Variants in NSD1 observed in about 807,000 individuals in gnomAD.
NSD1 encodes the protein histone-lysine N-methyltransferase, H3 lysine-36 specific.
Under a neutral mutation model 242.7 loss-of-function variants are expected in NSD1, and 26 were observed. The ratio of observed to expected loss-of-function variants is 0.11; its 90% CI spans 0.08 to 0.15. The LOEUF (loss-of-function observed/expected upper bound fraction) is 0.15, where lower values mean the gene tolerates loss of function less well. Among genes scored for constraint, NSD1 ranks in the 10% least tolerant of loss-of-function variants. The pLI is 1.00. For synonymous variants in NSD1, 1,106 were observed against 1,178.1 expected, an observed-to-expected ratio of 0.94 and a Z score of 1.25; for missense variants, 2,495 against 3,272.8, an observed-to-expected ratio of 0.76 and a Z score of 5.80.
chr5:177,276,765 T>G (rs1238212101), intron 17 of NSD1, among the ~76,000 whole-genome samples: 1 of 152,170 alleles, frequency 6.6e-6, no homozygotes, highest in East Asian at 1.9e-4. Context: ...CTGCCACTCC[T>G]GGCCTTTAAA....
At chr5:177,190,329 G>A (rs1030472346) in intron 2 of NSD1, among the ~76,000 whole-genome samples, 2 of 152,090 alleles carry the variant, frequency 1.3e-5, no homozygotes, top group African/African-American at 4.8e-5. Flanking sequence ...GCCCAGGCCG[G>A]CGTGCAGTGG....
intron 14 of NSD1, among the ~76,000 whole-genome samples, chr5:177,260,613 G>T (rs1451446005): frequency 6.6e-6 from 1 of 152,062 alleles, no homozygotes; most frequent in Non-Finnish European, 1.5e-5. Flanking sequence ...CTCCCAAAGT[G>T]CTGGGATTAC....
rs556431323 is a variant in NSD1 at position 177,207,489 on chromosome 5, A to G, written c.1237-2147A>G. Among the ~76,000 whole-genome samples the G allele has an allele frequency of 4.7e-5, 7 of 148,188 alleles. No individual in the cohort carries two copies. The South Asian group carries it at 1.5e-3, about 32-fold the overall frequency. On this transcript the variant is annotated intron_variant, in intron 4 of 22. Transcript: ENST00000439151. Reference sequence around the variant, plus strand: ...AGTATAGACGGGGTTTCACCATGTTAGCCAGGATGGTCTCGATCTCCTGAC... The same window carrying G: ...AGTATAGACGGGGTTTCACCATGTTGGCCAGGATGGTCTCGATCTCCTGAC...
At chr5:177,140,309 A>G (rs1249816126) in intron 2 of NSD1, among the ~76,000 whole-genome samples, 1 of 152,162 alleles carries the variant, frequency 6.6e-6, no homozygotes, top group East Asian at 1.9e-4. Flanking sequence ...TGAGCATGGC[A>G]TTTTCAGAGG....
In NSD1 at chr5:177,248,059, C is replaced by T. The variant is rs978657693; in HGVS notation, c.4498-122C>T. 168 of 1,539,864 alleles carry T rather than the reference C, an allele frequency of 1.1e-4. No individual in the cohort carries two copies. The Admixed American group carries it at 2.0e-3, about 19-fold the overall frequency. ...GAACTAACATTGCATGCAGTCCGCCCGAGTGATTGGCTGAACATCTGTAAG... is the reference window on the plus strand; with the variant it reads ...GAACTAACATTGCATGCAGTCCGCCTGAGTGATTGGCTGAACATCTGTAAG... On this transcript the variant is annotated intron_variant, in intron 10 of 22. Transcript: ENST00000439151.
intron 2 of NSD1, among the ~76,000 whole-genome samples, chr5:177,142,491 G>A (rs1164079573): frequency 2.6e-5 from 4 of 152,102 alleles, no homozygotes; most frequent in Non-Finnish European, 5.9e-5. Context: ...TCACAGAGTG[G>A]TTATTTATAG....
At chr5:177,261,736 A>G (rs1757015128) in intron 14 of NSD1, among the ~76,000 whole-genome samples, 1 of 152,056 alleles carries the variant, frequency 6.6e-6, no homozygotes, top group African/African-American at 2.4e-5. Flanking sequence ...TTCATTGTGG[A>G]CTTTGCTCCA....
rs761053559 is a variant in NSD1 at position 177,135,465 on chromosome 5, C to T, written c.362C>T (p.Pro121Leu). 3.7e-6 allele frequency: 6 copies of T among 1,614,040 alleles called. No individual in the cohort carries two copies. The highest frequency in any genetic ancestry group is 1.3e-5 in the African/African-American group (1 of 74,916). The change falls in exon 2 of 23, where the codon CCT (proline) becomes CTT (leucine). Residue 121 changes from proline (P) to leucine (L), a missense_variant. By Grantham distance (98) the Pro-to-Leu change is moderately conservative. Transcript: ENST00000439151. ...IVCTSLSPGG[P>L]TALAMKQEPS... Reference sequence around the variant, plus strand: ...TGCACTTCCTTGAGTCCTGGTGGTCCTACAGCACTTGCTATGAAACAGGAA... The same window carrying T: ...TGCACTTCCTTGAGTCCTGGTGGTCTTACAGCACTTGCTATGAAACAGGAA...
Position 177,153,443 on chromosome 5 carries a change from A to T in NSD1, c.927+17413A>T, listed in dbSNP as rs1341854660. Reference sequence around the variant, plus strand: ...ACTACAAGATTGCTTTAATTACTACAGTTTTATTGATGAAAATGATTTCTA... The same window carrying T: ...ACTACAAGATTGCTTTAATTACTACTGTTTTATTGATGAAAATGATTTCTA... On this transcript the variant is annotated intron_variant, in intron 2 of 22. Transcript: ENST00000439151. 2.6e-5 allele frequency among the ~76,000 whole-genome samples: 4 copies of T among 151,858 alleles called. No homozygotes were observed. The East Asian group carries it at 7.7e-4, about 29-fold the overall frequency.
intron 13 of NSD1, among the ~76,000 whole-genome samples, chr5:177,258,353 T>TTG (rs1756702694): frequency 6.6e-6 from 1 of 151,874 alleles, no homozygotes; most frequent in Non-Finnish European, 1.5e-5. Flanking sequence ...GGGGGTTTCG[T>TTG]GTTGATTTGT....
At chr5:177,209,572 A>T in intron 4 of NSD1, 64 bp from the exon 5 acceptor site, 1 of 1,209,704 alleles carries the variant, frequency 8.3e-7, no homozygotes. Context: ...TTCTGATTTC[A>T]TCTCCCTTTT....
intron 17 of NSD1, among the ~76,000 whole-genome samples, chr5:177,280,118 C>T (rs1408011665): frequency 6.8e-6 from 1 of 147,840 alleles, no homozygotes; most frequent in Admixed American, 6.8e-5. Flanking sequence ...GCTGGGACTA[C>T]AGGCGCCCAC....
At chr5:177,146,451 G>A (rs139130167) in intron 2 of NSD1, among the ~76,000 whole-genome samples, 2,040 of 151,874 alleles carry the variant, frequency 0.013, 51 homozygotes, top group African/African-American at 0.047. Flanking sequence ...TGATCCGCCC[G>A]CCTCAGCCTC....
At chr5:177,220,541 A>ATT (rs1222820462) in intron 5 of NSD1, among the ~76,000 whole-genome samples, 6 of 77,348 alleles carry the variant, frequency 7.8e-5, no homozygotes, top group Non-Finnish European at 8.6e-5. Context: ...AGTTTAATCC[A>ATT]TTTTTTTTCT....
In NSD1 at chr5:177,295,748, C is replaced by G; in HGVS notation, c.*289C>G. ...ACATGGTCATCGTGAAATAAAAAGT[C>G]CACTCTGGAGTCAAGTATGGAATTC... On this transcript the variant is annotated 3_prime_UTR_variant, in exon 23 of 23. Transcript: ENST00000439151. This position sits in a 1 kb window ranked among gnomAD's most constrained non-coding sequence, Gnocchi z 4.3. 1.9e-6 allele frequency: 1 copy of G among 525,566 alleles called. No homozygotes were observed. The highest frequency in any genetic ancestry group is 2.1e-5 in the South Asian group (1 of 48,678). The allele number at this position is 525,566 out of a possible 1,614,324, so 32.6% of individuals were successfully genotyped here.
At chr5:177,170,631 G>T (rs1759620850) in intron 2 of NSD1, among the ~76,000 whole-genome samples, 1 of 152,198 alleles carries the variant, frequency 6.6e-6, no homozygotes, top group Non-Finnish European at 1.5e-5. Context: ...AGGATTACAG[G>T]CGTGAGCCAC....
chr5:177,156,743 C>T (rs1353733885), intron 2 of NSD1, among the ~76,000 whole-genome samples: 1 of 152,074 alleles, frequency 6.6e-6, no homozygotes, highest in Non-Finnish European at 1.5e-5. Flanking sequence ...TATATAGTTG[C>T]AAATTTAAAG....
At position 177,295,596 on chromosome 5, in the gene NSD1, C is replaced by A; in HGVS notation, c.*137C>A. ...TCCCACTGTTATTCTTTCCTCATAT[C>A]CCAACACTCAGAACTCTTGTGACAT... On this transcript the variant is annotated 3_prime_UTR_variant, in exon 23 of 23. Transcript: ENST00000439151. This position sits in a 1 kb window ranked among gnomAD's most constrained non-coding sequence, Gnocchi z 4.3. 2.2e-6 allele frequency: 2 copies of A among 925,422 alleles called. No homozygotes were observed. Among genetic ancestry groups the A allele is most frequent in the Non-Finnish European group, 3.4e-6 (2 of 585,568 alleles). The allele number at this position is 925,422 out of a possible 1,614,324, so 57.3% of individuals were successfully genotyped here. A position where few individuals can be genotyped will look rare whatever the true frequency, so the allele number is the denominator to read the frequency against.
At chr5:177,141,057 C>T (rs557474251) in intron 2 of NSD1, among the ~76,000 whole-genome samples, 8 of 152,160 alleles carry the variant, frequency 5.3e-5, no homozygotes, top group Non-Finnish European at 8.8e-5. Flanking sequence ...GAGTCTCACT[C>T]TGTCACCCAG....
Sources: gnomAD v4.1 joint callset for allele counts (sites outside exome capture counted in the v4.1 genomes callset) on GRCh38, gnomAD v4.1.1 for gene constraint, Gnocchi (gnomAD v3.1) non-coding constraint, MANE v1.5 for transcripts, NCBI Gene and HGNC (gene_info 2026-07-23, HGNC 2026-07-21) for gene names.